STAG1: variants seen among roughly 807,000 people sequenced by gnomAD.
The protein encoded by STAG1 is cohesin subunit SA-1.
Under a neutral mutation model 170.9 loss-of-function variants are expected in STAG1, and 26 were observed. That is an observed-to-expected ratio of 0.15 (90% CI 0.11 to 0.21). STAG1 has a LOEUF of 0.21. Among genes scored for constraint, STAG1 ranks in the 10% least tolerant of loss-of-function variants. The probability of loss-of-function intolerance (pLI) is 1.00; values close to 1 mark genes in which losing one functional copy is unlikely to be tolerated. For synonymous variants in STAG1, 514 were observed against 497.7 expected, an observed-to-expected ratio of 1.03 and a Z score of -0.44; for missense variants, 964 against 1,509.5, an observed-to-expected ratio of 0.64 and a Z score of 5.99.
intron 25 of STAG1, among the ~76,000 whole-genome samples, chr3:136,365,834 T>C (rs560907950): frequency 6.6e-6 from 1 of 152,028 alleles, no homozygotes; most frequent in South Asian, 2.1e-4. Flanking sequence ...AATAATTAGT[T>C]TGACAAGTTC....
chr3:136,479,232 CTG>C (rs1254038993), intron 9 of STAG1, among the ~76,000 whole-genome samples: 3 of 124,696 alleles, frequency 2.4e-5, no homozygotes, highest in African/African-American at 8.7e-5. Context: ...CCCCCCTCCC[CTG>C]ACCCCACCAC....
In STAG1 at chr3:136,443,301, A is replaced by C; in HGVS notation, c.1532T>G (p.Val511Gly). The change falls in exon 15 of 34, where the codon GTT (valine) becomes GGT (glycine). Residue 511 changes from valine to glycine, a missense_variant. By Grantham distance (109) the Val-to-Gly change is moderately radical. Coordinates refer to ENST00000383202, the MANE Select transcript of STAG1 (RefSeq NM_005862.3). The part of the protein sequence containing the change: ...CMTELLLEEP[V>G]QGEEAMSDRQ... ...AAATACTATACCTTCCTCTCCTTGA[A>C]CAGGTTCTTCTAATAGCAACTCTGT... The C allele has an allele frequency of 6.2e-7, 1 of 1,611,536 alleles. No homozygotes were observed. Among genetic ancestry groups the C allele is most frequent in the Non-Finnish European group, 8.5e-7 (1 of 1,178,076 alleles).
chr3:136,583,501 T>C (rs1382103062), intron 4 of STAG1, among the ~76,000 whole-genome samples: 1 of 152,102 alleles, frequency 6.6e-6, no homozygotes, highest in African/African-American at 2.4e-5. Context: ...ACATGAAGCC[T>C]AATAAGGGCC....
At chr3:136,512,096 TA>T (rs35238532) in intron 7 of STAG1, among the ~76,000 whole-genome samples, 306 of 68,296 alleles carry the variant, frequency 4.5e-3, no homozygotes, top group African/African-American at 0.011. Context: ...CTCTACAAAA[TA>T]AAAAAAAAAA....
At chr3:136,424,794 T>A (rs1295302109) in intron 16 of STAG1, among the ~76,000 whole-genome samples, 1 of 152,168 alleles carries the variant, frequency 6.6e-6, no homozygotes, top group Non-Finnish European at 1.5e-5. Flanking sequence ...CAATACCAAT[T>A]CTATCTCACC....
chr3:136,411,212 G>A (rs548964466), intron 21 of STAG1, among the ~76,000 whole-genome samples: 2 of 152,154 alleles, frequency 1.3e-5, no homozygotes, highest in East Asian at 1.9e-4. Flanking sequence ...GTAAATGATC[G>A]ATTGGTTTTC....
intron 22 of STAG1, 118 bp downstream of exon 22, chr3:136,398,631 T>G (rs1037755506): frequency 3.2e-5 from 13 of 401,308 alleles, no homozygotes; most frequent in Admixed American, 2.0e-4. Flanking sequence ...GTCATATATT[T>G]TATTAAATAT....
At chr3:136,513,742 T>C (rs1317067751) in intron 7 of STAG1, among the ~76,000 whole-genome samples, 1 of 152,142 alleles carries the variant, frequency 6.6e-6, no homozygotes, top group Non-Finnish European at 1.5e-5. Flanking sequence ...CAAATACATA[T>C]TTCCCAAATT....
intron 26 of STAG1, among the ~76,000 whole-genome samples, chr3:136,362,758 C>T (rs1936925457): frequency 6.6e-6 from 1 of 151,372 alleles, no homozygotes; most frequent in South Asian, 2.1e-4. Flanking sequence ...ATATATAAAC[C>T]ATCTAGTAGT....
In STAG1 at chr3:136,476,947, A is replaced by T. The variant is rs1394093; in HGVS notation, c.1026+342T>A. The stretch of plus-strand genomic sequence containing the variant: ...ATATGGTCCTAGAAAATTTTTTTTA[A>T]AAAAAAGCTTAGTTTTTATATATTA... On this transcript the variant is annotated intron_variant, in intron 10 of 33. Coordinates refer to ENST00000383202, the MANE Select transcript of STAG1 (RefSeq NM_005862.3). Among the ~76,000 whole-genome samples, 92 of 152,066 alleles carry T rather than the reference A, an allele frequency of 6.0e-4. No individual in the cohort carries two copies. The East Asian group carries it at 0.012, about 19-fold the overall frequency.
intron 4 of STAG1, among the ~76,000 whole-genome samples, chr3:136,574,041 G>C (rs1937361885): frequency 6.6e-6 from 1 of 151,938 alleles, no homozygotes; most frequent in Admixed American, 6.6e-5. Flanking sequence ...AGGAGATCGA[G>C]ACCATCCTGG....
At chr3:136,513,959 A>G (rs748080675) in intron 7 of STAG1, among the ~76,000 whole-genome samples, 2 of 152,154 alleles carry the variant, frequency 1.3e-5, no homozygotes, top group Non-Finnish European at 2.9e-5. Context: ...ATTTGATCAG[A>G]ACACTTGTTT....
At chr3:136,411,104 T>A (rs924556557) in intron 21 of STAG1, among the ~76,000 whole-genome samples, 1 of 152,164 alleles carries the variant, frequency 6.6e-6, no homozygotes, top group Non-Finnish European at 1.5e-5. Context: ...CCTGATGACT[T>A]GAGAGGCCCA....
At chr3:136,436,488 G>T (rs925475321) in intron 15 of STAG1, among the ~76,000 whole-genome samples, 1 of 152,068 alleles carries the variant, frequency 6.6e-6, no homozygotes, top group Non-Finnish European at 1.5e-5. Context: ...CACCATGTTG[G>T]CCTGGCTGGT....
chr3:136,622,858 G>A (rs1267406224), intron 3 of STAG1, among the ~76,000 whole-genome samples: 1 of 152,156 alleles, frequency 6.6e-6, no homozygotes, highest in Non-Finnish European at 1.5e-5. Context: ...CTGAAAAGCA[G>A]CAAGTCTTAA....
At chr3:136,598,527 C>G (rs1340896847) in intron 4 of STAG1, among the ~76,000 whole-genome samples, 1 of 151,706 alleles carries the variant, frequency 6.6e-6, no homozygotes, top group Non-Finnish European at 1.5e-5. Flanking sequence ...CCCGGGTTCA[C>G]GCCATTCTCC....
intron 4 of STAG1, among the ~76,000 whole-genome samples, chr3:136,583,476 C>T (rs72971451): frequency 0.012 from 1,759 of 152,204 alleles, 21 homozygotes; most frequent in African/African-American, 0.041. Flanking sequence ...CATAAATCAG[C>T]CTCACCTGAT....
chr3:136,345,841 C>T (rs1478231351), intron 29 of STAG1, among the ~76,000 whole-genome samples: 4 of 152,092 alleles, frequency 2.6e-5, no homozygotes. Flanking sequence ...TTTTCTGTGC[C>T]TGGAAATACC....
intron 21 of STAG1, among the ~76,000 whole-genome samples, chr3:136,413,297 T>C (rs1040557966): frequency 1.3e-5 from 2 of 148,748 alleles, no homozygotes; most frequent in African/African-American, 4.9e-5. Context: ...TCGTATACAA[T>C]ATATATTATA....
Sources: allele counts gnomAD v4.1 joint callset (sites outside exome capture counted in the v4.1 genomes callset), GRCh38; gene constraint gnomAD v4.1.1; transcripts MANE v1.5; gene names NCBI Gene and HGNC (gene_info 2026-07-23, HGNC 2026-07-21).